The following EIF3B variants were observed in gnomAD, a reference collection of about 807,000 sequenced individuals.
EIF3B encodes eukaryotic translation initiation factor 3 subunit 9.
EIF3B carries 10 observed loss-of-function variants against 104.6 expected under a neutral mutation model. The ratio of observed to expected loss-of-function variants is 0.10; its 90% CI spans 0.06 to 0.16. The LOEUF (loss-of-function observed/expected upper bound fraction) is 0.16, where lower values mean the gene tolerates loss of function less well. Ranked by LOEUF, EIF3B falls within the 10% of genes least tolerant of loss-of-function variation. The pLI is 1.00. For synonymous variants in EIF3B, 542 were observed against 417.2 expected (o/e 1.30, Z -3.65); for missense variants, 1,014 against 1,087.9 (o/e 0.93, Z 0.96).
chr7:2,379,059 G>A (rs1421007569), intron 16 of EIF3B, 75 bp from the exon 17 acceptor site: 20 of 1,297,128 alleles, frequency 1.5e-5, no homozygotes, highest in South Asian at 2.5e-5. Context: ...GGCACCGTCC[G>A]CCTGGGTGTG....
rs773507723 is a variant in EIF3B, at chr7:2,366,336, C to A, written c.1177C>A (p.Pro393Thr). The A allele has an allele frequency of 6.2e-7, 1 of 1,611,106 alleles. No individual in the cohort carries two copies. The highest frequency in any genetic ancestry group is 1.1e-5 in the South Asian group (1 of 90,616). ...PCERYLVTFS[P>T]LMDTQDDPQA... ...TTCTAGGTACCTGGTGACCTTTAGC[C>A]CCCTGATGGACACGCAGGATGACCC... The change falls in exon 7 of 19, where the codon CCC becomes ACC. Residue 393 changes from proline (P) to threonine (T), a missense_variant. Pro to Thr is a conservative substitution (Grantham distance 38). This residue lies in a region of EIF3B where 201 missense variants were observed against 240.7 expected (regional missense o/e 0.83). Transcript: ENST00000360876.
rs1779684289 is a variant in EIF3B, at chr7:2,360,770, T to C, written c.560T>C (p.Ile187Thr). 6.2e-7 allele frequency: 1 copy of C among 1,607,646 alleles called. No individual in the cohort carries two copies. Among genetic ancestry groups the C allele is most frequent in the Non-Finnish European group, 8.5e-7 (1 of 1,174,614 alleles). ...PQEADGIDSV[I>T]VVDNVPQVGP... ...GAAGCAGATGGAATCGATTCGGTGA[T>C]TGTAGTGGACAATGTCCCTCAGGTG... The change falls in exon 2 of 19, where the codon ATT becomes ACT. Residue 187 changes from isoleucine (I) to threonine (T), a missense_variant. Transcript: ENST00000360876.
intron 1 of EIF3B, among the ~76,000 whole-genome samples, chr7:2,356,428 C>T (rs965548988): frequency 3.3e-5 from 5 of 151,714 alleles, no homozygotes; most frequent in East Asian, 3.9e-4. Flanking sequence ...GGTGAAACCC[C>T]GTCTCTACTA....
At chr7:2,370,898 C>T (rs1302619398) in intron 10 of EIF3B, among the ~76,000 whole-genome samples, 2 of 152,100 alleles carry the variant, frequency 1.3e-5, no homozygotes, top group Non-Finnish European at 2.9e-5. Flanking sequence ...CCCGTCTCTA[C>T]TAAAAATGCA....
chr7:2,356,799 G>T (rs1933077102), intron 1 of EIF3B, among the ~76,000 whole-genome samples: 1 of 151,610 alleles, frequency 6.6e-6, no homozygotes, highest in Non-Finnish European at 1.5e-5. Context: ...CTCAAAAAGT[G>T]AAAAATTAAA....
intron 6 of EIF3B, among the ~76,000 whole-genome samples, chr7:2,365,240 G>A (rs1158246504): frequency 2.0e-5 from 3 of 152,220 alleles, no homozygotes; most frequent in East Asian, 1.9e-4. Context: ...GTGAGCCACC[G>A]CACCTGGCCG....
Position 2,354,883 on chromosome 7 carries a change from G to T in EIF3B, c.-39G>T. 1.7e-6 allele frequency: 2 copies of T among 1,152,224 alleles called. No homozygotes were observed. Among genetic ancestry groups the T allele is most frequent in the South Asian group, 3.5e-5 (1 of 28,838 alleles). 71.4% of individuals were successfully genotyped at this position (1,152,224 alleles called of 1,614,324 possible). On this transcript the variant is annotated 5_prime_UTR_variant, in exon 1 of 19. Coordinates refer to ENST00000360876, the MANE Select transcript of EIF3B (RefSeq NM_001037283.2). ...TGCGGCCTGGGAGAGTCGGAAGCGC[G>T]GCGGCCGCGGAGCCCTGCGAGTAGG...
intron 10 of EIF3B, among the ~76,000 whole-genome samples, chr7:2,370,956 G>A (rs954652423): frequency 6.6e-6 from 1 of 152,058 alleles, no homozygotes; most frequent in Non-Finnish European, 1.5e-5. Context: ...CCAGCTACTC[G>A]GGAGGCTGAG....
At chr7:2,360,195 T>A (rs1227531736) in intron 1 of EIF3B, among the ~76,000 whole-genome samples, 1 of 152,232 alleles carries the variant, frequency 6.6e-6, no homozygotes, top group East Asian at 1.9e-4. Flanking sequence ...CCTCCTTGAA[T>A]AATTTCTGGT....
intron 11 of EIF3B, 163 bp downstream of exon 11, chr7:2,372,012 G>T: frequency 1.6e-6 from 1 of 622,022 alleles, no homozygotes; most frequent in Non-Finnish European, 2.9e-6. Flanking sequence ...TTAGAGCCTG[G>T]GCAACATAGT....
intron 17 of EIF3B, 31 bp from the exon 18 acceptor site, chr7:2,379,363 C>G: frequency 6.4e-7 from 1 of 1,563,874 alleles, no homozygotes; most frequent in Non-Finnish European, 8.7e-7. Context: ...CATGTGCCCC[C>G]ATGGGTGATC....
At chr7:2,376,791 A>G (rs1780655079) in intron 14 of EIF3B, 159 bp from the exon 15 acceptor site, 2 of 1,084,148 alleles carry the variant, frequency 1.8e-6, no homozygotes, top group African/African-American at 1.6e-5. Context: ...GGTGTCTTGC[A>G]TTGACTGCCC....
Position 2,379,518 on chromosome 7 carries a change from G to A in EIF3B, c.*14+7G>A, listed in dbSNP as rs767475249. ...AGTGACCTGGAGCACTGTGGTGAGC[G>A]TCTGCAGGGGGCGCGATGGGGGTCC... On this transcript the variant is annotated splice_region_variant and intron_variant, in intron 18 of 18. Transcript: ENST00000360876. 22 of 1,537,612 alleles carry A rather than the reference G, an allele frequency of 1.4e-5. No individual in the cohort carries two copies. Among genetic ancestry groups the A allele is most frequent in the South Asian group, 2.4e-5 (2 of 84,134 alleles).
rs545700626 is a variant in EIF3B, at chr7:2,364,638, A to C, written c.1157+109A>C. 2.9e-5 allele frequency: 30 copies of C among 1,048,454 alleles called. No individual in the cohort carries two copies. In the East Asian group the frequency reaches 7.1e-4, roughly 25 times the overall value. The allele number at this position is 1,048,454 out of a possible 1,614,324, so 64.9% of individuals were successfully genotyped here. On this transcript the variant is annotated intron_variant, in intron 6 of 18. Coordinates refer to ENST00000360876, the MANE Select transcript of EIF3B (RefSeq NM_001037283.2). ...TTCAAACTTAGTAGAAAAATACGGG[A>C]GTATGCAGAACGCTAATAAGCTTTT...
At position 2,355,358 on chromosome 7, in the gene EIF3B, G is replaced by A. The variant is rs1293531713; in HGVS notation, c.437G>A (p.Gly146Asp). The A allele has an allele frequency of 7.2e-6, 11 of 1,537,998 alleles. No homozygotes were observed. The highest frequency in any genetic ancestry group is 5.8e-5 in the Admixed American group (3 of 51,284). The change falls in exon 1 of 19, where the codon GGC (glycine) becomes GAC (aspartate). Residue 146 changes from glycine to aspartate, a missense_variant. Physicochemically the swap from Gly to Asp is moderately conservative, Grantham distance 94. Coordinates refer to ENST00000360876, the MANE Select transcript of EIF3B (RefSeq NM_001037283.2). ...AEAEPRALENGDADEPSFSDP... is the reference protein window; with the variant it reads ...AEAEPRALENDDADEPSFSDP... ...GCCGAACCCCGGGCGCTGGAGAACG[G>A]CGACGCGGACGAGCCCTCCTTCAGC...
At position 2,355,283 on chromosome 7, in the gene EIF3B, C is replaced by T; in HGVS notation, c.362C>T (p.Ala121Val). Residue 121 changes from alanine to valine, a missense_variant, in exon 1 of 19, where the codon GCC becomes GTC. This residue lies in a region of EIF3B where 488 missense variants were observed against 404.3 expected (regional missense o/e 1.21). Coordinates refer to ENST00000360876, the MANE Select transcript of EIF3B (RefSeq NM_001037283.2). ...QARDERSDSR[A>V]QAVSEDAGGN... ...CGGGACGAGCGCTCCGACAGCCGGG[C>T]CCAGGCGGTGTCCGAGGACGCGGGA... 2 of 1,535,628 alleles carry T rather than the reference C, an allele frequency of 1.3e-6. No individual in the cohort carries two copies. Among genetic ancestry groups the T allele is most frequent in the South Asian group, 1.2e-5 (1 of 83,854 alleles).
At chr7:2,360,987 G>T (rs1488545510) in intron 2 of EIF3B, 85 bp downstream of exon 2, 14 of 1,180,780 alleles carry the variant, frequency 1.2e-5, no homozygotes, top group Non-Finnish European at 2.4e-6. Flanking sequence ...TACTAACACA[G>T]CTCCTGCCTT....
chr7:2,378,883 G>C, intron 16 of EIF3B, 117 bp downstream of exon 16: 2 of 958,066 alleles, frequency 2.1e-6, no homozygotes, highest in Non-Finnish European at 3.2e-6. Context: ...GAAGACACTG[G>C]TTCTGTTCCC....
At chr7:2,377,344 T>G (rs1283053570) in intron 15 of EIF3B, among the ~76,000 whole-genome samples, 1 of 152,240 alleles carries the variant, frequency 6.6e-6, no homozygotes, top group East Asian at 1.9e-4. Context: ...TAAAAAGTCC[T>G]GCTGGGATTA....
Sources: gnomAD v4.1 joint callset for allele counts (sites outside exome capture counted in the v4.1 genomes callset) on GRCh38, gnomAD v4.1.1 for gene constraint, gnomAD v4.1.1 regional missense constraint, MANE v1.5 for transcripts, NCBI Gene and HGNC (gene_info 2026-07-23, HGNC 2026-07-21) for gene names.